SERPINA4: variants seen among roughly 807,000 people sequenced by gnomAD.
The protein encoded by SERPINA4 is kallistatin.
A neutral mutation model predicts 25.4 loss-of-function variants in SERPINA4; 24 were observed. The observed-to-expected ratio is 0.95, with a 90% CI of 0.69 to 1.33. The LOEUF is 1.33. Ranked by LOEUF, SERPINA4 falls within the 40% of genes most tolerant of loss-of-function variation. The pLI, the probability that SERPINA4 is intolerant of heterozygous loss-of-function variation, is 0.00. For missense variants in SERPINA4, 553 were observed against 535.8 expected (o/e 1.03, Z -0.32); for synonymous variants, 242 against 223.6 (o/e 1.08, Z -0.73).
At chr14:94,566,882 G>A (rs1366746622) in intron 2 of SERPINA4, 88 bp from the exon 3 acceptor site, 1 of 1,467,138 alleles carries the variant, frequency 6.8e-7, no homozygotes, top group African/African-American at 1.4e-5. Flanking sequence ...TGTTTCTGTA[G>A]CTCAGAACAC....
chr14:94,564,692 C>G (rs1595064149), intron 2 of SERPINA4, among the ~76,000 whole-genome samples: 1 of 152,328 alleles, frequency 6.6e-6, no homozygotes, highest in African/African-American at 2.4e-5. Flanking sequence ...CAGGTTGATT[C>G]ATTACTGCAG....
chr14:94,569,561 T>G lies in SERPINA4; in HGVS notation c.1250T>G (p.Phe417Cys), dbSNP rs750116456. Residue 417 changes from phenylalanine (F) to cysteine (C), a missense_variant, in exon 5 of 5, where the codon TTT becomes TGT. By Grantham distance (205) the Phe-to-Cys change is radical (BLOSUM62 -2). Coordinates refer to ENST00000557004, the MANE Select transcript of SERPINA4 (RefSeq NM_006215.4). ...TCCACCAGCACCCAGAGTGTCCTCT[T>G]TCTGGGCAAGGTCGTCGACCCCACG... is the stretch of plus-strand genomic sequence containing the variant. ...IFSTSTQSVL[F>C]LGKVVDPTKP 1 of 1,614,082 alleles carries G rather than the reference T, an allele frequency of 6.2e-7. No individual in the cohort carries two copies. Among genetic ancestry groups the G allele is most frequent in the Non-Finnish European group, 8.5e-7 (1 of 1,179,992 alleles).
At position 94,569,659 on chromosome 14, in the gene SERPINA4, T is replaced by A; in HGVS notation, c.*64T>A. The stretch of plus-strand genomic sequence containing the variant: ...GTGGCAGGGGAGGGCTGGGAGTGAG[T>A]AGCTCTGTGTTTAGAGTTGGGGACA... On this transcript the variant is annotated 3_prime_UTR_variant, in exon 5 of 5. Transcript: ENST00000557004. 6.5e-7 allele frequency: 1 copy of A among 1,545,430 alleles called. No individual in the cohort carries two copies. Among genetic ancestry groups the A allele is most frequent in the Non-Finnish European group, 8.9e-7 (1 of 1,121,344 alleles).
intron 1 of SERPINA4, 41 bp downstream of exon 1, chr14:94,561,535 AG>A: frequency 1.6e-6 from 1 of 635,082 alleles, no homozygotes; most frequent in South Asian, 1.8e-5. Flanking sequence ...GAGACTCTAG[AG>A]GGAGGGTGAC....
intron 4 of SERPINA4, among the ~76,000 whole-genome samples, chr14:94,568,705 A>G (rs1902296173): frequency 6.6e-6 from 1 of 152,002 alleles, no homozygotes; most frequent in Non-Finnish European, 1.5e-5. Context: ...AAATACAAAA[A>G]TTAGAATGGT....
At chr14:94,562,194 G>T (rs1902050088) in intron 1 of SERPINA4, among the ~76,000 whole-genome samples, 1 of 152,184 alleles carries the variant, frequency 6.6e-6, no homozygotes, top group South Asian at 2.1e-4. Context: ...TGCATGTCCG[G>T]TCTGTGGCTG....
chr14:94,564,477 C>T (rs1346987756), intron 2 of SERPINA4, among the ~76,000 whole-genome samples: 3 of 152,194 alleles, frequency 2.0e-5, no homozygotes, highest in East Asian at 3.8e-4. Context: ...AGGGATAAGA[C>T]AAGTCTCTAA....
chr14:94,563,894 C>G lies in SERPINA4; in HGVS notation c.412C>G (p.Arg138Gly). ...CCTCCCCGGCCATGGGCTGGAAACA[C>G]GCGTGGGCAGTGCTCTGTTCCTGAG... ...LNLPGHGLETRVGSALFLSHN... is the reference protein window; with the variant it reads ...LNLPGHGLETGVGSALFLSHN... Residue 138 changes from arginine (R) to glycine (G), a missense_variant, in exon 2 of 5, where the codon CGC becomes GGC. Physicochemically the swap from Arg to Gly is moderately radical, Grantham distance 125. Transcript: ENST00000557004. 1 of 1,614,172 alleles carries G rather than the reference C, an allele frequency of 6.2e-7. No homozygotes were observed. The highest frequency in any genetic ancestry group is 1.1e-5 in the South Asian group (1 of 91,086).
chr14:94,562,965 G>A (rs1032214956), intron 1 of SERPINA4, among the ~76,000 whole-genome samples: 2 of 152,188 alleles, frequency 1.3e-5, no homozygotes, highest in Non-Finnish European at 2.9e-5. Context: ...ACCATATAAA[G>A]CACTCCACAG....
At position 94,563,741 on chromosome 14, in the gene SERPINA4, G is replaced by A. The variant is rs760217189; in HGVS notation, c.259G>A (p.Ala87Thr). Residue 87 changes from alanine to threonine, a missense_variant, in exon 2 of 5, where the codon GCC (alanine) becomes ACC (threonine). Transcript: ENST00000557004. Reference sequence around the variant, plus strand: ...CCCGCTGAGCATCTCGGCGGCCTACGCCATGCTTTCCCTGGGGGCCTGCTC... The same window carrying A: ...CCCGCTGAGCATCTCGGCGGCCTACACCATGCTTTCCCTGGGGGCCTGCTC... Reference protein sequence around the residue: ...FSPLSISAAYAMLSLGACSHS... With the variant: ...FSPLSISAAYTMLSLGACSHS... 23 of 1,613,876 alleles carry A rather than the reference G, an allele frequency of 1.4e-5. No homozygotes were observed. The highest frequency in any genetic ancestry group is 1.6e-4 in the Middle Eastern group (1 of 6,084).
intron 4 of SERPINA4, among the ~76,000 whole-genome samples, chr14:94,568,957 C>T (rs1279712207): frequency 6.6e-6 from 1 of 151,926 alleles, no homozygotes; most frequent in East Asian, 1.9e-4. Context: ...GGAGACTTTG[C>T]AGATAAGAGA....
chr14:94,566,882 G>T (rs1366746622), intron 2 of SERPINA4, 88 bp from the exon 3 acceptor site: 1 of 1,467,256 alleles, frequency 6.8e-7, no homozygotes, highest in South Asian at 1.3e-5. Context: ...TGTTTCTGTA[G>T]CTCAGAACAC....
chr14:94,563,769 A>G lies in SERPINA4; in HGVS notation c.287A>G (p.His96Arg). 1 of 1,614,132 alleles carries G rather than the reference A, an allele frequency of 6.2e-7. No individual in the cohort carries two copies. Among genetic ancestry groups the G allele is most frequent in the East Asian group, 2.2e-5 (1 of 44,876 alleles). ...YAMLSLGACS[H>R]SRSQILEGLG... is the part of the protein sequence containing the mutation. ...ATGCTTTCCCTGGGGGCCTGCTCAC[A>G]CAGCCGCAGCCAGATCCTTGAGGGC... The change falls in exon 2 of 5, where the codon CAC becomes CGC. Residue 96 changes from histidine to arginine, a missense_variant. His to Arg is a conservative substitution (Grantham distance 29). Transcript: ENST00000557004.
chr14:94,561,698 G>A, intron 1 of SERPINA4: 1 of 1,289,510 alleles, frequency 7.8e-7, no homozygotes, highest in Non-Finnish European at 1.0e-6. Flanking sequence ...TAGGGTCCAT[G>A]GGCACTGGTG....
intron 3 of SERPINA4, 25 bp downstream of exon 3, chr14:94,567,268 A>G: frequency 1.3e-6 from 2 of 1,599,170 alleles, no homozygotes; most frequent in Non-Finnish European, 1.7e-6. Context: ...ATGGGGGCTG[A>G]ATCTACAGTA....
rs768543200 is a variant in SERPINA4 at position 94,563,806 on chromosome 14, C to T, written c.324C>T (p.Asn108=). 2 of 1,614,220 alleles carry T rather than the reference C, an allele frequency of 1.2e-6. No homozygotes were observed. The highest frequency in any genetic ancestry group is 1.7e-5 in the Admixed American group (1 of 60,022). The stretch of plus-strand genomic sequence containing the variant: ...AGATCCTTGAGGGCCTGGGCTTCAA[C>T]CTCACCGAGCTGTCTGAGTCCGATG... ...RSQILEGLGF[N]LTELSESDVH... The change falls in exon 2 of 5, where the codon AAC becomes AAT. Residue 108 remains asparagine (N), a synonymous_variant. Coordinates refer to ENST00000557004, the MANE Select transcript of SERPINA4 (RefSeq NM_006215.4).
chr14:94,564,262 TCAGGGA>T, intron 2 of SERPINA4, 131 bp downstream of exon 2: 1 of 867,940 alleles, frequency 1.2e-6, no homozygotes, highest in Non-Finnish European at 1.8e-6. Flanking sequence ...TGAGCAACCC[TCAGGGA>T]ATGCAATGTG....
intron 2 of SERPINA4, among the ~76,000 whole-genome samples, chr14:94,565,759 G>A (rs1002627287): frequency 6.6e-6 from 1 of 152,090 alleles, no homozygotes; most frequent in Non-Finnish European, 1.5e-5. Context: ...TTGGGAGGCT[G>A]AGGCAGGAGA....
intron 2 of SERPINA4, among the ~76,000 whole-genome samples, chr14:94,565,856 A>G (rs1397194532): frequency 6.6e-6 from 1 of 152,188 alleles, no homozygotes; most frequent in Non-Finnish European, 1.5e-5. Context: ...ATCTCCAAAA[A>G]AAAGTTTTGC....
Sources: allele counts gnomAD v4.1 joint callset (sites outside exome capture counted in the v4.1 genomes callset), GRCh38; gene constraint gnomAD v4.1.1; transcripts MANE v1.5; gene names NCBI Gene and HGNC (gene_info 2026-07-23, HGNC 2026-07-21).